Variants in BAIAP2L1 observed in about 807,000 individuals in gnomAD.
BAIAP2L1 encodes the protein BAR/IMD domain-containing adapter protein 2-like 1.
A neutral mutation model predicts 66.3 loss-of-function variants in BAIAP2L1; 35 were observed. The observed-to-expected ratio is 0.53, with a 90% CI of 0.40 to 0.70. The LOEUF (loss-of-function observed/expected upper bound fraction) is 0.70, where lower values mean the gene tolerates loss of function less well. Ranked by LOEUF, BAIAP2L1 falls within the 30% of genes least tolerant of loss-of-function variation. The pLI is 0.00. For synonymous variants in BAIAP2L1, 269 were observed against 248.7 expected (o/e 1.08, Z -0.77); for missense variants, 622 against 656.9 (o/e 0.95, Z 0.58).
At position 98,362,372 on chromosome 7, in the gene BAIAP2L1, C is replaced by G. The variant is rs1215476381; in HGVS notation, c.112G>C (p.Glu38Gln). 6.2e-7 allele frequency: 1 copy of G among 1,611,220 alleles called. No individual in the cohort carries two copies. Among genetic ancestry groups the G allele is most frequent in the African/African-American group, 1.3e-5 (1 of 74,856 alleles). Residue 38 changes from glutamate to glutamine, a missense_variant, in exon 2 of 14, where the codon GAG (glutamate) becomes CAG (glutamine). Coordinates refer to ENST00000005260, the MANE Select transcript of BAIAP2L1 (RefSeq NM_018842.5). ...ACAGACTTACCGTTTACAGCTTTCTCATAATTTTTCCCCAGGTTTATTAAA... is the reference window on the plus strand; with the variant it reads ...ACAGACTTACCGTTTACAGCTTTCTGATAATTTTTCCCCAGGTTTATTAAA... ...RNLINLGKNY[E>Q]KAVNAMILAG...
chr7:98,345,253 G>C (rs1393581837), intron 3 of BAIAP2L1, among the ~76,000 whole-genome samples: 2 of 152,202 alleles, frequency 1.3e-5, no homozygotes, highest in African/African-American at 4.8e-5. Context: ...CGGCCATCAA[G>C]AGATACAATA....
At chr7:98,352,199 T>C (rs1010598933) in intron 3 of BAIAP2L1, among the ~76,000 whole-genome samples, 1 of 152,006 alleles carries the variant, frequency 6.6e-6, no homozygotes, top group African/African-American at 2.4e-5. Context: ...GTCAAGGAAG[T>C]AACTCCTCCT....
At position 98,336,603 on chromosome 7, in the gene BAIAP2L1, G is replaced by A. The variant is rs192738265; in HGVS notation, c.215-16305C>T. On this transcript the variant is annotated intron_variant, in intron 3 of 13. Coordinates refer to ENST00000005260, the MANE Select transcript of BAIAP2L1 (RefSeq NM_018842.5). ...TGCACTCCAGCCTGGGCAACACAGC[G>A]AGACTTTGTCTCAAAAAAATAAAAT... 5.4e-3 allele frequency among the ~76,000 whole-genome samples: 824 copies of A among 152,242 alleles called. 9 individuals are homozygous for A. The highest frequency in any genetic ancestry group is 0.019 in the African/African-American group (771 of 41,542).
chr7:98,371,830 T>C (rs1394222463), intron 1 of BAIAP2L1, among the ~76,000 whole-genome samples: 1 of 151,754 alleles, frequency 6.6e-6, no homozygotes, highest in East Asian at 2.0e-4. Context: ...AGTCTCGCTC[T>C]GTCACCCAGG....
At chr7:98,353,310 G>C (rs916002473) in intron 3 of BAIAP2L1, among the ~76,000 whole-genome samples, 1 of 143,780 alleles carries the variant, frequency 7.0e-6, no homozygotes, top group East Asian at 2.0e-4. Flanking sequence ...CCAACACAGA[G>C]AGACCCCCTA....
rs999667076 is a variant in BAIAP2L1 at position 98,354,978 on chromosome 7, G to A, written c.214+64C>T. On this transcript the variant is annotated intron_variant, in intron 3 of 13. Coordinates refer to ENST00000005260, the MANE Select transcript of BAIAP2L1 (RefSeq NM_018842.5). The stretch of plus-strand genomic sequence containing the variant: ...TCTGTTCTGGACTGGGCCATCCCAC[G>A]CGTTTCTCTTGGGGTTCACAGGATG... The A allele has an allele frequency of 5.5e-5, 67 of 1,225,000 alleles. 1 individual carries two copies. The highest frequency in any genetic ancestry group is 7.6e-5 in the Non-Finnish European group (63 of 826,214). 75.9% of individuals were successfully genotyped at this position (1,225,000 alleles called of 1,614,324 possible). A position where few individuals can be genotyped will look rare whatever the true frequency, so the allele number is the denominator to read the frequency against.
intron 1 of BAIAP2L1, among the ~76,000 whole-genome samples, chr7:98,385,424 A>G (rs770685154): frequency 2.6e-5 from 4 of 151,890 alleles, no homozygotes; most frequent in Non-Finnish European, 5.9e-5. Flanking sequence ...AGGGGAAATC[A>G]TTTCTTTTTC....
At chr7:98,296,021 G>GA (rs1562962233) in intron 12 of BAIAP2L1, among the ~76,000 whole-genome samples, 2 of 152,262 alleles carry the variant, frequency 1.3e-5, no homozygotes, top group Non-Finnish European at 2.9e-5. Context: ...GAGACACTCG[G>GA]GCAGCCCTGG....
At chr7:98,319,940 A>G in intron 5 of BAIAP2L1, 118 bp downstream of exon 5, 2 of 832,488 alleles carry the variant, frequency 2.4e-6, no homozygotes, top group South Asian at 3.3e-5. Context: ...TCTGGGCATC[A>G]TCAACACGGA....
rs1303904454 is a variant in BAIAP2L1 at position 98,294,094 on chromosome 7, A to G, written c.1440T>C (p.Thr480=). 2 of 1,614,044 alleles carry G rather than the reference A, an allele frequency of 1.2e-6. No individual in the cohort carries two copies. Among genetic ancestry groups the G allele is most frequent in the Non-Finnish European group, 1.7e-6 (2 of 1,179,984 alleles). ...CCTACCTGAGAAAAGGCGGCTTTGCAGTCCCGTTGGCATCGTTCTGTGAGA... is the reference window on the plus strand; with the variant it reads ...CCTACCTGAGAAAAGGCGGCTTTGCGGTCCCGTTGGCATCGTTCTGTGAGA... The part of the protein sequence containing the change: ...ETAAPNDANG[T]AKPPFLSGEN... The change falls in exon 13 of 14, where the codon ACT becomes ACC. Residue 480 remains threonine, a synonymous_variant. Coordinates refer to ENST00000005260, the MANE Select transcript of BAIAP2L1 (RefSeq NM_018842.5).
At chr7:98,344,882 G>A (rs559171231) in intron 3 of BAIAP2L1, among the ~76,000 whole-genome samples, 3 of 152,356 alleles carry the variant, frequency 2.0e-5, no homozygotes, top group Admixed American at 2.0e-4. Context: ...GTTGCAGTGA[G>A]CTGAGATCGC....
intron 3 of BAIAP2L1, among the ~76,000 whole-genome samples, chr7:98,329,714 A>T (rs960705522): frequency 3.8e-5 from 2 of 52,304 alleles, no homozygotes; most frequent in Admixed American, 2.0e-4. Context: ...AAAGGGATTT[A>T]AAAAAAAAAA....
chr7:98,303,377 C>A (rs938850836), intron 12 of BAIAP2L1, among the ~76,000 whole-genome samples: 2 of 152,198 alleles, frequency 1.3e-5, no homozygotes, highest in African/African-American at 4.8e-5. Context: ...CACCCAGCCT[C>A]CTCCCCTTCA....
At chr7:98,369,681 T>C (rs1176218310) in intron 1 of BAIAP2L1, among the ~76,000 whole-genome samples, 3 of 142,316 alleles carry the variant, frequency 2.1e-5, no homozygotes, top group Non-Finnish European at 4.6e-5. Context: ...TTTTTTTTTT[T>C]TTTTTTTTGA....
chr7:98,299,740 G>C (rs1466225696), intron 12 of BAIAP2L1, among the ~76,000 whole-genome samples: 3 of 152,134 alleles, frequency 2.0e-5, no homozygotes, highest in Admixed American at 6.5e-5. Flanking sequence ...AGCTGTATAT[G>C]GCTACTTAAA....
intron 1 of BAIAP2L1, among the ~76,000 whole-genome samples, chr7:98,370,307 G>A (rs1005204885): frequency 1.3e-5 from 2 of 150,546 alleles, no homozygotes; most frequent in African/African-American, 2.4e-5. Context: ...CCCGGGACGC[G>A]GGGTTGCAGT....
intron 3 of BAIAP2L1, among the ~76,000 whole-genome samples, chr7:98,340,393 T>C (rs573234526): frequency 2.6e-5 from 4 of 152,282 alleles, no homozygotes; most frequent in African/African-American, 7.2e-5. Flanking sequence ...GTTCACGCCA[T>C]TCTCTTGCCT....
At chr7:98,362,934 G>C (rs1017556271) in intron 1 of BAIAP2L1, among the ~76,000 whole-genome samples, 8 of 152,134 alleles carry the variant, frequency 5.3e-5, no homozygotes, top group Non-Finnish European at 8.8e-5. Context: ...GTGTGGGCGG[G>C]GAGGGACGTG....
At chr7:98,355,291 C>A in intron 2 of BAIAP2L1, 163 bp from the exon 3 acceptor site, 1 of 624,240 alleles carries the variant, frequency 1.6e-6, no homozygotes, top group Non-Finnish European at 2.9e-6. Flanking sequence ...AGAGTGGTGC[C>A]GGGGTGGAGG....
Sources: gnomAD v4.1 joint callset for allele counts (sites outside exome capture counted in the v4.1 genomes callset) on GRCh38, gnomAD v4.1.1 for gene constraint, MANE v1.5 for transcripts, NCBI Gene and HGNC (gene_info 2026-07-23, HGNC 2026-07-21) for gene names.